NME5: variants seen among roughly 807,000 people sequenced by gnomAD.
NME5 encodes NME/NM23 family member 5.
Under a neutral mutation model 21.6 loss-of-function variants are expected in NME5, and 18 were observed. The ratio of observed to expected loss-of-function variants is 0.83; its 90% CI spans 0.58 to 1.24. The LOEUF is 1.24. Ranked by LOEUF, NME5 falls within the 50% of genes most tolerant of loss-of-function variation. The probability of loss-of-function intolerance (pLI) is 0.00; values close to 1 mark genes in which losing one functional copy is unlikely to be tolerated. For synonymous variants in NME5, 70 were observed against 80.6 expected (o/e 0.87, Z 0.71); for missense variants, 223 against 255.4 (o/e 0.87, Z 0.86).
At chr5:138,129,171 A>C (rs1751499496) in intron 3 of NME5, 92 bp downstream of exon 3, 6 of 1,148,314 alleles carry the variant, frequency 5.2e-6, no homozygotes, top group Non-Finnish European at 7.6e-6. Context: ...CCAAATAAAA[A>C]AAAAATTCCC....
At chr5:138,115,962 C>G (rs1751148489) in intron 5 of NME5, among the ~76,000 whole-genome samples, 198 bp from the exon 6 acceptor site, 1 of 152,192 alleles carries the variant, frequency 6.6e-6, no homozygotes, top group Non-Finnish European at 1.5e-5. Flanking sequence ...GTAAAACTAT[C>G]TCTTTTCACA....
At chr5:138,137,128 A>G (rs1316950269) in intron 2 of NME5, among the ~76,000 whole-genome samples, 1 of 151,908 alleles carries the variant, frequency 6.6e-6, no homozygotes, top group Non-Finnish European at 1.5e-5. Context: ...CTGGTATATA[A>G]TACTTGATCC....
intron 2 of NME5, among the ~76,000 whole-genome samples, chr5:138,131,807 G>A (rs1751575085): frequency 6.6e-6 from 1 of 151,664 alleles, no homozygotes; most frequent in Admixed American, 6.6e-5. Context: ...GCAGTGGTGT[G>A]ATCTTGGCTC....
intron 4 of NME5, among the ~76,000 whole-genome samples, chr5:138,121,592 G>T (rs1159695156): frequency 6.6e-6 from 1 of 152,114 alleles, no homozygotes; most frequent in African/African-American, 2.4e-5. Flanking sequence ...TGTTGAAAGT[G>T]AATTGACCAT....
At position 138,139,260 on chromosome 5, in the gene NME5, G is replaced by A. The variant is rs868733420; in HGVS notation, c.-6+111C>T. 2.3e-5 allele frequency: 14 copies of A among 607,900 alleles called. 1 individual carries two copies. The highest frequency in any genetic ancestry group is 8.3e-4 in the Middle Eastern group (1 of 1,200). 37.7% of individuals were successfully genotyped at this position (607,900 alleles called of 1,614,324 possible). A position where few individuals can be genotyped will look rare whatever the true frequency, so the allele number is the denominator to read the frequency against. ...CTGTGAAGCGACCCTGTCCCGCAGG[G>A]ACCTCTCTGTGCATAGGGTCAGGCT... On this transcript the variant is annotated intron_variant, in intron 1 of 5. Coordinates refer to ENST00000265191, the MANE Select transcript of NME5 (RefSeq NM_003551.3).
chr5:138,138,824 C>T, intron 1 of NME5, 39 bp from the exon 2 acceptor site: 1 of 1,573,756 alleles, frequency 6.4e-7, no homozygotes, highest in East Asian at 2.3e-5. Flanking sequence ...TAACAGGTAT[C>T]AACTGCAATG....
intron 2 of NME5, among the ~76,000 whole-genome samples, chr5:138,133,855 T>C (rs1031347049): frequency 6.6e-6 from 1 of 152,146 alleles, no homozygotes; most frequent in African/African-American, 2.4e-5. Context: ...GAGTTAGCAT[T>C]AGGTAGAGTG....
intron 4 of NME5, chr5:138,127,315 A>G (rs1350572726): frequency 3.0e-6 from 1 of 332,032 alleles, no homozygotes; most frequent in East Asian, 1.7e-4. Flanking sequence ...AGTATTCAAA[A>G]TGTGAAATGT....
chr5:138,135,040 C>T (rs1328887070), intron 2 of NME5, among the ~76,000 whole-genome samples: 6 of 146,486 alleles, frequency 4.1e-5, no homozygotes, highest in African/African-American at 9.9e-5. Flanking sequence ...CTTTTTTGGC[C>T]GGGCATAGTG....
At chr5:138,127,089 G>C (rs991752882) in intron 4 of NME5, among the ~76,000 whole-genome samples, 8 of 152,210 alleles carry the variant, frequency 5.3e-5, no homozygotes, top group African/African-American at 1.9e-4. Flanking sequence ...GGAGGCTGAG[G>C]CAGGAGGACT....
intron 2 of NME5, among the ~76,000 whole-genome samples, chr5:138,135,643 G>C (rs1298267267): frequency 6.6e-6 from 1 of 151,994 alleles, no homozygotes; most frequent in African/African-American, 2.4e-5. Flanking sequence ...GCAAAATACG[G>C]ACTTTTAAAA....
intron 2 of NME5, among the ~76,000 whole-genome samples, chr5:138,134,692 A>T (rs928102201): frequency 4.6e-5 from 7 of 150,918 alleles, no homozygotes; most frequent in Admixed American, 6.6e-5. Context: ...TTTTTAATTT[A>T]TAATTAACAC....
At chr5:138,123,985 C>CTT (rs70979583) in intron 4 of NME5, among the ~76,000 whole-genome samples, 724 of 37,252 alleles carry the variant, frequency 0.019, 277 homozygotes, top group East Asian at 0.025. Context: ...ATTTTGAGCA[C>CTT]TTTTTTTTTT....
Position 138,118,932 on chromosome 5 carries a change from A to G in NME5, c.441T>C (p.Ile147=). 5 of 1,507,094 alleles carry G rather than the reference A, an allele frequency of 3.3e-6. No individual in the cohort carries two copies. The highest frequency in any genetic ancestry group is 1.1e-5 in the South Asian group (1 of 88,858). The allele number at this position is 1,507,094 out of a possible 1,614,324, so 93.4% of individuals were successfully genotyped here. ...CTTGTCCAATTGGAATGGGCTCAAC[A>G]ATCACTGCAAATACAAATGTATTCT... ...REIRFMFPEV[I]VEPIPIGQAA... The change falls in exon 5 of 6, where the codon ATT becomes ATC. Residue 147 remains isoleucine, a synonymous_variant. Transcript: ENST00000265191.
chr5:138,118,762 A>G (rs1751219482), intron 5 of NME5, 56 bp downstream of exon 5: 1 of 1,200,926 alleles, frequency 8.3e-7, no homozygotes, highest in Non-Finnish European at 1.2e-6. Context: ...GATTACAGGC[A>G]TGAGCCACCA....
chr5:138,127,488 T>C (rs956943332), intron 4 of NME5: 1 of 977,728 alleles, frequency 1.0e-6, no homozygotes, highest in Admixed American at 6.2e-5. Context: ...CAGTGGAAAA[T>C]ACTGAGGAAC....
chr5:138,137,466 C>T (rs189301842), intron 2 of NME5, among the ~76,000 whole-genome samples: 3,154 of 151,840 alleles, frequency 0.021, 96 homozygotes, highest in African/African-American at 0.069. Context: ...TACAGGTGCA[C>T]GCCACCACGC....
chr5:138,131,196 G>T (rs1751557537), intron 2 of NME5, among the ~76,000 whole-genome samples: 1 of 112,444 alleles, frequency 8.9e-6, no homozygotes, highest in South Asian at 2.9e-4. Flanking sequence ...ATGAAACCCC[G>T]TCTCTGCTAA....
At chr5:138,127,608 C>T (rs1303092656) in intron 4 of NME5, 1 of 984,634 alleles carries the variant, frequency 1.0e-6, no homozygotes, top group Non-Finnish European at 1.2e-6. Context: ...ACAAAAATCA[C>T]CAAATTTTAT....
Sources: allele counts gnomAD v4.1 joint callset (sites outside exome capture counted in the v4.1 genomes callset), GRCh38; gene constraint gnomAD v4.1.1; transcripts MANE v1.5; gene names NCBI Gene and HGNC (gene_info 2026-07-23, HGNC 2026-07-21).